AFMID: variants seen among roughly 807,000 people sequenced by gnomAD.
AFMID encodes arylformamidase, also known as kynurenine formamidase.
AFMID carries 39 observed loss-of-function variants against 47.5 expected under a neutral mutation model. The ratio of observed to expected loss-of-function variants is 0.82; its 90% CI spans 0.64 to 1.07. AFMID has a LOEUF of 1.07. Among genes scored for constraint, AFMID ranks in the 50% least tolerant of loss-of-function variants. AFMID has a pLI of 0.00. For missense variants in AFMID, 375 were observed against 387.5 expected (o/e 0.97, Z 0.27); for synonymous variants, 130 against 153.2 (o/e 0.85, Z 1.12).
intron 2 of AFMID, among the ~76,000 whole-genome samples, chr17:78,191,308 T>C (rs1264803530): frequency 2.0e-5 from 3 of 152,264 alleles, no homozygotes; most frequent in East Asian, 1.9e-4. Flanking sequence ...TGGCCTTTCT[T>C]GCTCAGCCAT....
intron 6 of AFMID, 36 bp from the exon 7 acceptor site, chr17:78,205,057 C>T (rs377756033): frequency 2.6e-5 from 41 of 1,580,482 alleles, no homozygotes; most frequent in Middle Eastern, 1.7e-4. Context: ...GGGGAAACTG[C>T]GTGCAAATCC....
At chr17:78,206,829 G>A in intron 10 of AFMID, 82 bp from the exon 11 acceptor site, 1 of 1,525,710 alleles carries the variant, frequency 6.6e-7, no homozygotes, top group Non-Finnish European at 9.1e-7. Context: ...ACTGCATCCA[G>A]CCCTGTCTCA....
intron 4 of AFMID, among the ~76,000 whole-genome samples, chr17:78,204,279 C>T (rs1043668939): frequency 1.3e-5 from 2 of 151,764 alleles, no homozygotes; most frequent in East Asian, 1.9e-4. Context: ...CCCATCTCTA[C>T]AAAAGAAAAG....
chr17:78,206,102 C>T lies in AFMID; in HGVS notation c.885+52C>T, dbSNP rs76674328. 9.4e-5 allele frequency: 142 copies of T among 1,515,466 alleles called. No homozygotes were observed. The African/African-American group carries it at 1.0e-3, about 11-fold the overall frequency. 93.9% of individuals were successfully genotyped at this position (1,515,466 alleles called of 1,614,324 possible). On this transcript the variant is annotated intron_variant, in intron 10 of 10. Coordinates refer to ENST00000409257, the MANE Select transcript of AFMID (RefSeq NM_001010982.5). Reference sequence around the variant, plus strand: ...TCATGGTAGACAGCACAGGTCCTGTCGCAGCCCCTTAGATGTGCAAACCAG... The same window carrying T: ...TCATGGTAGACAGCACAGGTCCTGTTGCAGCCCCTTAGATGTGCAAACCAG...
chr17:78,194,857 G>A (rs2076069328), intron 2 of AFMID, among the ~76,000 whole-genome samples: 1 of 152,044 alleles, frequency 6.6e-6, no homozygotes, highest in Non-Finnish European at 1.5e-5. Flanking sequence ...ACCACGCCTG[G>A]CTGATTTTTT....
chr17:78,205,747 A>G lies in AFMID; in HGVS notation c.780+9A>G, dbSNP rs774022029. 1 of 1,608,054 alleles carries G rather than the reference A, an allele frequency of 6.2e-7. No individual in the cohort carries two copies. Among genetic ancestry groups the G allele is most frequent in the East Asian group, 2.2e-5 (1 of 44,884 alleles). On this transcript the variant is annotated intron_variant, in intron 9 of 10. Transcript: ENST00000409257. ...CCTGGGAGTTTTACCAGGTACTCCC[A>G]GTGCAGGTTTGTGGCCAGAGGTCGA...
At position 78,207,160 on chromosome 17, in the gene AFMID, C is replaced by G; in HGVS notation, c.*223C>G. 1.7e-6 allele frequency: 1 copy of G among 589,658 alleles called. No homozygotes were observed. The highest frequency in any genetic ancestry group is 3.0e-6 in the Non-Finnish European group (1 of 334,010). The allele number at this position is 589,658 out of a possible 1,614,324, so 36.5% of individuals were successfully genotyped here. ...TGGATGGAGCTCCAGGGCTGGGGAA[C>G]GTCCGCAAGTCAATGCTCAGAGATG... On this transcript the variant is annotated 3_prime_UTR_variant, in exon 11 of 11. Transcript: ENST00000409257.
Position 78,204,811 on chromosome 17 carries a change from T to A in AFMID, c.395-17T>A, listed in dbSNP as rs1219644223. On this transcript the variant is annotated splice_polypyrimidine_tract_variant and intron_variant, in intron 5 of 10. Coordinates refer to ENST00000409257, the MANE Select transcript of AFMID (RefSeq NM_001010982.5). ...GGAGGAAGTGCATCCCTGACCCAGC[T>A]CATGCTCTCTGTGCAGGCACCCTGG... 1 of 1,614,060 alleles carries A rather than the reference T, an allele frequency of 6.2e-7. No homozygotes were observed. Among genetic ancestry groups the A allele is most frequent in the Non-Finnish European group, 8.5e-7 (1 of 1,180,026 alleles).
At chr17:78,200,236 A>C (rs1599005361) in intron 2 of AFMID, among the ~76,000 whole-genome samples, 1 of 151,854 alleles carries the variant, frequency 6.6e-6, no homozygotes, top group Non-Finnish European at 1.5e-5. Context: ...GCTCACTGCA[A>C]CCTCTGCCTC....
chr17:78,196,842 G>T (rs2076127830), intron 2 of AFMID, among the ~76,000 whole-genome samples: 2 of 152,188 alleles, frequency 1.3e-5, no homozygotes, highest in Non-Finnish European at 2.9e-5. Flanking sequence ...TTTGCCATAA[G>T]GTTTGTTCTG....
intron 2 of AFMID, chr17:78,197,534 G>A: frequency 3.9e-6 from 1 of 253,182 alleles, no homozygotes; most frequent in Non-Finnish European, 7.5e-6. Flanking sequence ...GCAGAACTGT[G>A]AGAAAATAAA....
Position 78,206,338 on chromosome 17 carries a change from CAAAAAAAAAAAA to C in AFMID, c.885+299_885+310del, listed in dbSNP as rs60780262. On this transcript the variant is annotated intron_variant, in intron 10 of 10. Coordinates refer to ENST00000409257, the MANE Select transcript of AFMID (RefSeq NM_001010982.5). ...TGAGCGACAGAGTAAGACTCTGTCTCAAAAAAAAAAAAAAAAAAAAAAGACCTGAGAACCTAG... is the reference window on the plus strand; with the variant it reads ...TGAGCGACAGAGTAAGACTCTGTCTCAAAAAAAAAAGACCTGAGAACCTAG... Among the ~76,000 whole-genome samples the C allele has an allele frequency of 2.4e-4, 25 of 104,046 alleles. 1 individual carries two copies. The highest frequency in any genetic ancestry group is 3.7e-4 in the African/African-American group (11 of 29,910). 68.3% of individuals were successfully genotyped at this position (104,046 alleles called of 152,430 possible). A position where few individuals can be genotyped will look rare whatever the true frequency, so the allele number is the denominator to read the frequency against.
chr17:78,196,448 G>C (rs140215062), intron 2 of AFMID, among the ~76,000 whole-genome samples: 88 of 147,206 alleles, frequency 6.0e-4, no homozygotes, highest in Middle Eastern at 3.4e-3. Flanking sequence ...GAGGCCAGAG[G>C]GGGGCAGATC....
intron 4 of AFMID, chr17:78,203,049 C>A: frequency 6.8e-6 from 2 of 296,064 alleles, no homozygotes; most frequent in Admixed American, 5.1e-5. Context: ...TCAAATCTTC[C>A]TCTCTCTTTT....
Position 78,205,716 on chromosome 17 carries a change from G to A in AFMID, c.758G>A (p.Arg253Gln). ...CAGTTCGACTCCCCCGAATTCCACC[G>A]ACAGTCCTGGGAGTTTTACCAGGTA... ...VGQFDSPEFH[R>Q]QSWEFYQTLC... Residue 253 changes from arginine (R) to glutamine (Q), a missense_variant, in exon 9 of 11, where the codon CGA (arginine) becomes CAA (glutamine). Coordinates refer to ENST00000409257, the MANE Select transcript of AFMID (RefSeq NM_001010982.5). 3 of 1,610,618 alleles carry A rather than the reference G, an allele frequency of 1.9e-6. No homozygotes were observed. Among genetic ancestry groups the A allele is most frequent in the Non-Finnish European group, 1.7e-6 (2 of 1,180,004 alleles).
At chr17:78,201,878 C>T (rs2076252148) in intron 2 of AFMID, among the ~76,000 whole-genome samples, 1 of 151,700 alleles carries the variant, frequency 6.6e-6, no homozygotes, top group Admixed American at 6.6e-5. Context: ...CTACAGGCAC[C>T]TGCCACCACG....
At chr17:78,191,326 C>G (rs72898288) in intron 2 of AFMID, among the ~76,000 whole-genome samples, 30,197 of 152,106 alleles carry the variant, frequency 0.2, 3,436 homozygotes, top group Non-Finnish European at 0.26. Flanking sequence ...CATCCATACC[C>G]AGGCCCGTAA....
In AFMID at chr17:78,204,861, G is replaced by A. The variant is rs538938849; in HGVS notation, c.428G>A (p.Arg143His). ...GACCACATGGTAGACCAGGTGACCC[G>A]CAGCGTTGCGTTTGTCCAGAAGCGG... is the stretch of plus-strand genomic sequence containing the variant. ...TLDHMVDQVT[R>H]SVAFVQKRYP... is the part of the protein sequence containing the mutation. The change falls in exon 6 of 11, where the codon CGC becomes CAC. Residue 143 changes from arginine to histidine, a missense_variant. Physicochemically the swap from Arg to His is conservative, Grantham distance 29. Transcript: ENST00000409257. 4.5e-5 allele frequency: 72 copies of A among 1,614,214 alleles called. No individual in the cohort carries two copies. Among genetic ancestry groups the A allele is most frequent in the Middle Eastern group, 1.6e-4 (1 of 6,062 alleles).
chr17:78,203,055 CTTTTTTTTTTTT>C (rs56016227), intron 4 of AFMID: 10 of 111,134 alleles, frequency 9.0e-5, no homozygotes, highest in South Asian at 3.9e-4. Flanking sequence ...CTTCCTCTCT[CTTTTTTTTTTTT>C]TTTTTTTTTT....
Sources: gnomAD v4.1 joint callset for allele counts (sites outside exome capture counted in the v4.1 genomes callset) on GRCh38, gnomAD v4.1.1 for gene constraint, MANE v1.5 for transcripts, NCBI Gene and HGNC (gene_info 2026-07-23, HGNC 2026-07-21) for gene names.